The following SOX6 variants were observed in gnomAD, a reference collection of about 807,000 sequenced individuals.
The protein encoded by SOX6 is transcription factor SOX-6.
In SOX6, 11 loss-of-function variants were observed where a neutral mutation model predicts 97.8. That is an observed-to-expected ratio of 0.11 (90% CI 0.07 to 0.19). The LOEUF is 0.19. Among genes scored for constraint, SOX6 ranks in the 10% least tolerant of loss-of-function variants. The pLI, the probability that SOX6 is intolerant of heterozygous loss-of-function variation, is 1.00. For missense variants in SOX6, 810 were observed against 1,039.5 expected (o/e 0.78, Z 3.04); for synonymous variants, 360 against 371.4 (o/e 0.97, Z 0.35).
intron 4 of SOX6, among the ~76,000 whole-genome samples, chr11:16,590,600 G>T (rs1378524768): frequency 6.6e-6 from 1 of 152,056 alleles, no homozygotes; most frequent in Non-Finnish European, 1.5e-5. Flanking sequence ...ATTCACAATG[G>T]AGTACTATTT....
chr11:15,986,929 C>A (rs188893131), intron 14 of SOX6, among the ~76,000 whole-genome samples: 3 of 152,228 alleles, frequency 2.0e-5, no homozygotes, highest in South Asian at 2.1e-4. Context: ...TCTGCCATGG[C>A]CTAGGTAATT....
chr11:16,274,360 C>T (rs987100677), intron 3 of SOX6, among the ~76,000 whole-genome samples: 1 of 151,950 alleles, frequency 6.6e-6, no homozygotes, highest in Non-Finnish European at 1.5e-5. Flanking sequence ...TTCCATTTGT[C>T]CACCCATCCA....
At chr11:16,475,831 G>C (rs1208219293) in intron 1 of SOX6, among the ~76,000 whole-genome samples, 3 of 152,056 alleles carry the variant, frequency 2.0e-5, no homozygotes, top group Middle Eastern at 3.2e-3. Flanking sequence ...AAAACAAAGT[G>C]CAATAAAACG....
chr11:16,146,233 C>T (rs945866482), intron 6 of SOX6, among the ~76,000 whole-genome samples: 28 of 151,954 alleles, frequency 1.8e-4, no homozygotes, highest in Admixed American at 1.4e-3. Context: ...ACAAACCTGA[C>T]AAAAACAAGA....
At chr11:16,250,196 C>T (rs747781378) in intron 3 of SOX6, among the ~76,000 whole-genome samples, 6 of 152,002 alleles carry the variant, frequency 3.9e-5, no homozygotes, top group Non-Finnish European at 8.8e-5. Flanking sequence ...GTGAATGGTA[C>T]ATGCAAGAGA....
intron 6 of SOX6, among the ~76,000 whole-genome samples, chr11:16,152,353 A>C (rs1428664431): frequency 6.6e-6 from 1 of 152,176 alleles, no homozygotes; most frequent in Non-Finnish European, 1.5e-5. Flanking sequence ...AGCTCTGTTC[A>C]GTATCTGGAG....
At chr11:16,360,828 C>T (rs927495955), upstream of SOX6, among the ~76,000 whole-genome samples, 1 of 151,940 alleles carries the variant, frequency 6.6e-6, no homozygotes. Context: ...ATGGTGAAAC[C>T]CCGTCTCTAC....
chr11:16,171,586 G>T (rs961476294), intron 6 of SOX6, among the ~76,000 whole-genome samples: 6 of 151,676 alleles, frequency 4.0e-5, no homozygotes, highest in African/African-American at 1.2e-4. Context: ...GCAGGCCTTA[G>T]CAAAGGCAGA....
chr11:16,132,409 G>GAAAGAAA (rs1554933930), intron 6 of SOX6, among the ~76,000 whole-genome samples: 9 of 64,532 alleles, frequency 1.4e-4, no homozygotes, highest in Non-Finnish European at 2.4e-4. Context: ...AAAAAAGAAA[G>GAAAGAAA]AAAGAAAGAA....
Position 16,279,628 on chromosome 11 carries a change from T to G in SOX6, c.445+38818A>C, listed in dbSNP as rs562249506. On this transcript the variant is annotated intron_variant, in intron 3 of 15. Transcript: ENST00000683767. Reference sequence around the variant, plus strand: ...GCCTTGGGAACATCAGAGAATCAGATGAAAACTTACATTTTCAAAATAACA... The same window carrying G: ...GCCTTGGGAACATCAGAGAATCAGAGGAAAACTTACATTTTCAAAATAACA... Among the ~76,000 whole-genome samples the G allele has an allele frequency of 1.2e-4, 18 of 150,064 alleles. 1 individual carries two copies. Among genetic ancestry groups the G allele is most frequent in the African/African-American group, 4.1e-4 (17 of 41,274 alleles).
intron 1 of SOX6, among the ~76,000 whole-genome samples, chr11:16,384,240 T>A (rs965577325): frequency 6.6e-6 from 1 of 151,910 alleles, no homozygotes; most frequent in Non-Finnish European, 1.5e-5. Context: ...TCAGAATATA[T>A]AGTTAAAATG....
At chr11:16,346,817 C>T (rs1856788709) in intron 1 of SOX6, among the ~76,000 whole-genome samples, 1 of 151,834 alleles carries the variant, frequency 6.6e-6, no homozygotes, top group Admixed American at 6.6e-5. Context: ...CATTTGAAGC[C>T]CTTGAAGTGT....
intron 4 of SOX6, among the ~76,000 whole-genome samples, chr11:16,513,319 GAC>G (rs1446734351): frequency 6.6e-6 from 1 of 150,822 alleles, no homozygotes; most frequent in African/African-American, 2.5e-5. Context: ...AAAAGAGAGG[GAC>G]ACAGGGGATA....
intron 1 of SOX6, among the ~76,000 whole-genome samples, chr11:16,440,486 A>G (rs10741698): frequency 2.0e-5 from 3 of 152,040 alleles, no homozygotes; most frequent in South Asian, 2.1e-4. Flanking sequence ...AGAAACAACT[A>G]TCTTCATTTC....
chr11:16,260,474 A>G (rs1226451386), intron 3 of SOX6, among the ~76,000 whole-genome samples: 1 of 152,204 alleles, frequency 6.6e-6, no homozygotes, highest in Non-Finnish European at 1.5e-5. Flanking sequence ...TCAGAGATCA[A>G]CACAACTATT....
chr11:16,156,217 T>A (rs986091762), intron 6 of SOX6, among the ~76,000 whole-genome samples: 1 of 152,006 alleles, frequency 6.6e-6, no homozygotes, highest in Non-Finnish European at 1.5e-5. Flanking sequence ...GTGCAATGCT[T>A]ATTATAGATG....
rs1162646504 is a variant in SOX6, at chr11:16,322,931, T to C, written c.238-4278A>G. Reference sequence around the variant, plus strand: ...TTATTTCTCTTCTTTTGATTTTTCTTTTGAAAACAACCACTGTTTAACACG... The same window carrying C: ...TTATTTCTCTTCTTTTGATTTTTCTCTTGAAAACAACCACTGTTTAACACG... On this transcript the variant is annotated intron_variant, in intron 2 of 15. Coordinates refer to ENST00000683767, the MANE Select transcript of SOX6 (RefSeq NM_001367873.1). Among the ~76,000 whole-genome samples the C allele has an allele frequency of 5.3e-5, 8 of 152,342 alleles. No homozygotes were observed. In the East Asian group the frequency reaches 1.5e-3, roughly 29 times the overall value.
chr11:16,368,204 C>T (rs573211698), intron 1 of SOX6, among the ~76,000 whole-genome samples: 1 of 152,270 alleles, frequency 6.6e-6, no homozygotes, highest in African/African-American at 2.4e-5. Context: ...CACAATAAAA[C>T]TGCAATAAAC....
In SOX6 at chr11:16,305,479, T is replaced by C. The variant is rs537377385; in HGVS notation, c.445+12967A>G. ...GGGTGGCAATGTAAAATGGTACAGC[T>C]ACTCTGAAATACAGTGTGGCAGTTT... On this transcript the variant is annotated intron_variant, in intron 3 of 15. Coordinates refer to ENST00000683767, the MANE Select transcript of SOX6 (RefSeq NM_001367873.1). 2.0e-5 allele frequency among the ~76,000 whole-genome samples: 3 copies of C among 152,332 alleles called. No individual in the cohort carries two copies. The East Asian group carries it at 5.8e-4, about 29-fold the overall frequency.
Sources: allele counts gnomAD v4.1 joint callset (sites outside exome capture counted in the v4.1 genomes callset), GRCh38; gene constraint gnomAD v4.1.1; transcripts MANE v1.5; gene names NCBI Gene and HGNC (gene_info 2026-07-23, HGNC 2026-07-21).